The following KLHDC4 variants were observed in gnomAD, a reference collection of about 807,000 sequenced individuals.
KLHDC4 encodes the protein kelch domain containing 4, also known as kelch domain-containing protein 4.
Under a neutral mutation model 62.4 loss-of-function variants are expected in KLHDC4, and 90 were observed. The observed-to-expected ratio is 1.44, with a 90% confidence interval of 1.22 to 1.72. The LOEUF is 1.72. KLHDC4 is among the 40% of genes most tolerant of loss of function. The probability of loss-of-function intolerance (pLI) is 0.00; values close to 1 mark genes in which losing one functional copy is unlikely to be tolerated. For synonymous variants in KLHDC4, 386 were observed against 284.4 expected (o/e 1.36, Z -3.59); for missense variants, 1,025 against 699.7 (o/e 1.47, Z -5.25).
downstream of KLHDC4, among the ~76,000 whole-genome samples, chr16:87,706,391 G>A (rs2034724960): frequency 8.2e-6 from 1 of 121,512 alleles, no homozygotes; most frequent in Non-Finnish European, 1.7e-5. Flanking sequence ...GCGTGGGGGG[G>A]TTGGTCGGCA....
chr16:87,705,207 G>C (rs35597890), downstream of KLHDC4, among the ~76,000 whole-genome samples: 12,065 of 152,288 alleles, frequency 0.079, 655 homozygotes, highest in Admixed American at 0.18. Flanking sequence ...CCGGGAGACA[G>C]AGGCCCTGGG....
At chr16:87,705,609 C>G (rs984261156), downstream of KLHDC4, among the ~76,000 whole-genome samples, 2 of 152,246 alleles carry the variant, frequency 1.3e-5, no homozygotes, top group African/African-American at 4.8e-5. Context: ...TCCTTGGAAT[C>G]CCACCTAATC....
Position 87,709,267 on chromosome 16 carries a change from G to A in KLHDC4, c.1445C>T (p.Pro482Leu). Residue 482 changes from proline (P) to leucine (L), a missense_variant and splice_region_variant, in exon 10 of 12, where the codon CCA becomes CTA. Coordinates refer to ENST00000270583, the MANE Select transcript of KLHDC4 (RefSeq NM_017566.4). Reference protein sequence around the residue: ...EAWKALVEMDPETQEWLEETD... With the variant: ...EAWKALVEMDLETQEWLEETD... The stretch of plus-strand genomic sequence containing the variant: ...AGGCACCAAGCTGCCTGGCTCACCT[G>A]GGTCCATCTCCACCAAGGCCTTCCA... 1 of 1,606,600 alleles carries A rather than the reference G, an allele frequency of 6.2e-7. No individual in the cohort carries two copies. Among genetic ancestry groups the A allele is most frequent in the Non-Finnish European group, 8.5e-7 (1 of 1,176,176 alleles).
chr16:87,706,428 G>T (rs957025216), downstream of KLHDC4, among the ~76,000 whole-genome samples: 1 of 142,494 alleles, frequency 7.0e-6, no homozygotes, highest in Non-Finnish European at 1.5e-5. Flanking sequence ...GCAGCCTCCA[G>T]GGGGGTCGGC....
intron 2 of KLHDC4, chr16:87,757,204 TCC>T: frequency 6.6e-6 from 1 of 151,676 alleles, no homozygotes; most frequent in Non-Finnish European, 1.5e-5. Context: ...GAGCAGTGGC[TCC>T]TGCCTGTAAT....
At chr16:87,722,528 A>G (rs2038588665) in intron 7 of KLHDC4, among the ~76,000 whole-genome samples, 1 of 152,216 alleles carries the variant, frequency 6.6e-6, no homozygotes, top group Non-Finnish European at 1.5e-5. Context: ...ATCTGATCAA[A>G]CACTGTCAAG....
intron 5 of KLHDC4, among the ~76,000 whole-genome samples, chr16:87,745,555 T>C (rs1010977161): frequency 5.3e-5 from 8 of 152,250 alleles, no homozygotes; most frequent in African/African-American, 1.7e-4. Context: ...CCACCTCTTC[T>C]GGCTTCTGCT....
chr16:87,744,241 C>T (rs913517709), intron 5 of KLHDC4, among the ~76,000 whole-genome samples: 3 of 152,030 alleles, frequency 2.0e-5, no homozygotes, highest in Non-Finnish European at 2.9e-5. Flanking sequence ...CGTGAAGAAA[C>T]CCCATCTCTA....
At chr16:87,760,223 T>A in intron 2 of KLHDC4, among the ~76,000 whole-genome samples, 1 of 144,480 alleles carries the variant, frequency 6.9e-6, no homozygotes. Context: ...GGAAAAATTC[T>A]AAAATATCAT....
At chr16:87,730,284 T>C (rs897938462) in intron 6 of KLHDC4, among the ~76,000 whole-genome samples, 1 of 152,234 alleles carries the variant, frequency 6.6e-6, no homozygotes, top group African/African-American at 2.4e-5. Flanking sequence ...ACTAGCCACA[T>C]CATTTGCAGG....
intron 7 of KLHDC4, among the ~76,000 whole-genome samples, chr16:87,716,935 AAAAAG>A (rs554341254): frequency 0.026 from 3,932 of 149,432 alleles, 88 homozygotes; most frequent in Non-Finnish European, 0.042. Flanking sequence ...CCGTCTCAAA[AAAAAG>A]AAAAGAAAAG....
intron 1 of KLHDC4, among the ~76,000 whole-genome samples, chr16:87,763,852 C>A (rs1179882886): frequency 6.6e-6 from 1 of 152,104 alleles, no homozygotes; most frequent in African/African-American, 2.4e-5. Context: ...GACAGCCTCT[C>A]CAAAGTGACA....
chr16:87,709,751 G>A, intron 9 of KLHDC4, 84 bp from the exon 10 acceptor site: 2 of 1,426,364 alleles, frequency 1.4e-6, no homozygotes, highest in East Asian at 2.5e-5. Flanking sequence ...CCAGGCAAGG[G>A]TTTGCGGGGA....
In KLHDC4 at chr16:87,730,534, T is replaced by C. The variant is rs1169977876; in HGVS notation, c.599+18A>G. 1 of 1,591,486 alleles carries C rather than the reference T, an allele frequency of 6.3e-7. No homozygotes were observed. Among genetic ancestry groups the C allele is most frequent in the East Asian group, 2.2e-5 (1 of 44,648 alleles). On this transcript the variant is annotated intron_variant, in intron 6 of 11. Coordinates refer to ENST00000270583, the MANE Select transcript of KLHDC4 (RefSeq NM_017566.4). Reference sequence around the variant, plus strand: ...TAATGCTTCAGGAGAGAAAGATTTTTCCGTTCTTGGTACCAACCGTGTACT... The same window carrying C: ...TAATGCTTCAGGAGAGAAAGATTTTCCCGTTCTTGGTACCAACCGTGTACT...
rs181647465 is a variant in KLHDC4 at position 87,751,660 on chromosome 16, T to C, written c.370-2851A>G. Among the ~76,000 whole-genome samples the C allele has an allele frequency of 2.5e-3, 375 of 152,276 alleles. 1 individual carries two copies. Among genetic ancestry groups the C allele is most frequent in the African/African-American group, 8.4e-3 (351 of 41,554 alleles). Reference sequence around the variant, plus strand: ...CTGGCCAGGTGCAGTGGCTCATGCCTGTAACCCCAACACTGTGGGAGGCTC... The same window carrying C: ...CTGGCCAGGTGCAGTGGCTCATGCCCGTAACCCCAACACTGTGGGAGGCTC... On this transcript the variant is annotated intron_variant, in intron 4 of 11. Transcript: ENST00000270583.
Position 87,716,350 on chromosome 16 carries a change from G to A in KLHDC4, c.760-1777C>T, listed in dbSNP as rs117032332. 5.5e-4 allele frequency among the ~76,000 whole-genome samples: 83 copies of A among 152,264 alleles called. 1 individual carries two copies. The East Asian group carries it at 0.015, about 28-fold the overall frequency. On this transcript the variant is annotated intron_variant, in intron 7 of 11. Coordinates refer to ENST00000270583, the MANE Select transcript of KLHDC4 (RefSeq NM_017566.4). ...TTGTGGATATTGACGTAGACTCTGG[G>A]TACGCGCTATGTCTCGTGGATACTG...
chr16:87,699,984 C>CT (rs1187564213), exon 1 of KLHDC4: 1 of 152,266 alleles, frequency 6.6e-6, no homozygotes, highest in Non-Finnish European at 1.5e-5. Flanking sequence ...TCCTTTACTC[C>CT]TTCCCCGGGA....
At chr16:87,705,347 C>T (rs538995268), downstream of KLHDC4, among the ~76,000 whole-genome samples, 40 of 152,368 alleles carry the variant, frequency 2.6e-4, no homozygotes, top group South Asian at 8.3e-4. Context: ...GAATCCACCA[C>T]CCTGTGTTGT....
intron 5 of KLHDC4, among the ~76,000 whole-genome samples, chr16:87,735,031 C>T (rs1262616397): frequency 1.7e-5 from 2 of 117,638 alleles, no homozygotes; most frequent in Non-Finnish European, 3.3e-5. Context: ...TTGCCCGACG[C>T]CCCCTCCCCC....
Sources: allele counts gnomAD v4.1 joint callset (sites outside exome capture counted in the v4.1 genomes callset), GRCh38; gene constraint gnomAD v4.1.1; transcripts MANE v1.5; gene names NCBI Gene and HGNC (gene_info 2026-07-23, HGNC 2026-07-21).